The following VASH2 variants were observed in gnomAD, a reference collection of about 807,000 sequenced individuals.
VASH2 encodes the protein tubulinyl-Tyr carboxypeptidase 2.
A neutral mutation model predicts 37.2 loss-of-function variants in VASH2; 28 were observed. The ratio of observed to expected loss-of-function variants is 0.75; its 90% CI spans 0.56 to 1.03. The LOEUF is 1.03. Among genes scored for constraint, VASH2 ranks in the 50% least tolerant of loss-of-function variants. The probability of loss-of-function intolerance (pLI) is 0.00; values close to 1 mark genes in which losing one functional copy is unlikely to be tolerated. For synonymous variants in VASH2, 188 were observed against 174.7 expected (o/e 1.08, Z -0.60); for missense variants, 419 against 459.1 (o/e 0.91, Z 0.80).
At position 212,988,674 on chromosome 1, in the gene VASH2, A is replaced by G. The variant is rs889983641; in HGVS notation, c.*90A>G. ...TCAGGAGGAACTGCAACTATTTATT[A>G]AGAACTTGTGAATTTTATTTTTAAG... On this transcript the variant is annotated 3_prime_UTR_variant, in exon 8 of 8. Coordinates refer to ENST00000517399, the MANE Select transcript of VASH2 (RefSeq NM_001301056.2). 5.3e-6 allele frequency: 7 copies of G among 1,318,166 alleles called. No individual in the cohort carries two copies. The Admixed American group carries it at 1.3e-4, about 24-fold the overall frequency. 81.7% of individuals were successfully genotyped at this position (1,318,166 alleles called of 1,614,324 possible).
In VASH2 at chr1:212,965,709, A is replaced by G; in HGVS notation, c.366-13A>G. On this transcript the variant is annotated splice_polypyrimidine_tract_variant and intron_variant, in intron 3 of 7. Coordinates refer to ENST00000517399, the MANE Select transcript of VASH2 (RefSeq NM_001301056.2). Reference sequence around the variant, plus strand: ...GAGTTTTCTGTCACTTTCCCTTTACATACTTTACACAGATATAATCACACA... The same window carrying G: ...GAGTTTTCTGTCACTTTCCCTTTACGTACTTTACACAGATATAATCACACA... 1 of 1,550,000 alleles carries G rather than the reference A, an allele frequency of 6.5e-7. No homozygotes were observed. Among genetic ancestry groups the G allele is most frequent in the Non-Finnish European group, 8.7e-7 (1 of 1,145,210 alleles).
At chr1:212,952,912 G>C (rs541934132) in intron 2 of VASH2, 1 of 152,352 alleles carries the variant, frequency 6.6e-6, no homozygotes, top group South Asian at 2.1e-4. Flanking sequence ...GCTGCAGTCA[G>C]TTACAGTGTT....
intron 7 of VASH2, among the ~76,000 whole-genome samples, chr1:212,985,169 A>G (rs1160881633): frequency 7.0e-6 from 1 of 142,976 alleles, no homozygotes; most frequent in African/African-American, 2.7e-5. Context: ...CTACAGGCGC[A>G]TGTCACCATG....
intron 7 of VASH2, among the ~76,000 whole-genome samples, chr1:212,986,782 C>A (rs1667490339): frequency 6.6e-6 from 1 of 152,070 alleles, no homozygotes; most frequent in Non-Finnish European, 1.5e-5. Context: ...TACTGGCAGT[C>A]AGCTGTGTTA....
chr1:212,964,572 G>A (rs918784369), intron 3 of VASH2, among the ~76,000 whole-genome samples: 1 of 152,244 alleles, frequency 6.6e-6, no homozygotes, highest in Non-Finnish European at 1.5e-5. Context: ...CTTGGTGCAA[G>A]CTGGTCAGTC....
At chr1:212,973,275 C>T (rs1249936622) in intron 6 of VASH2, 16 of 887,096 alleles carry the variant, frequency 1.8e-5, no homozygotes, top group South Asian at 3.2e-5. Context: ...CCTGGAACTG[C>T]GGGTTTTCCC....
chr1:212,986,879 A>G (rs546319170), intron 7 of VASH2, among the ~76,000 whole-genome samples: 66 of 152,358 alleles, frequency 4.3e-4, no homozygotes, highest in Admixed American at 1.2e-3. Context: ...AGGAGGGCAC[A>G]TGGTCAAGCT....
chr1:212,984,961 C>G (rs1185650309), intron 7 of VASH2, among the ~76,000 whole-genome samples: 1 of 152,144 alleles, frequency 6.6e-6, no homozygotes, highest in Non-Finnish European at 1.5e-5. Context: ...GACTTAGCAC[C>G]CACTGTTAGT....
Position 212,960,637 on chromosome 1 carries a change from G to A in VASH2, c.277-529G>A, listed in dbSNP as rs532788604. On this transcript the variant is annotated intron_variant, in intron 2 of 7. Transcript: ENST00000517399. Reference sequence around the variant, plus strand: ...ACTCCTGGACTCATGTGATCCACACGCCTTGGCCTCCCAAAGTGCTGGGAT... The same window carrying A: ...ACTCCTGGACTCATGTGATCCACACACCTTGGCCTCCCAAAGTGCTGGGAT... 5.9e-5 allele frequency among the ~76,000 whole-genome samples: 9 copies of A among 152,282 alleles called. No individual in the cohort carries two copies. In the South Asian group the frequency reaches 1.9e-3, roughly 32 times the overall value.
chr1:212,966,082 G>T, intron 4 of VASH2, 189 bp from the exon 5 acceptor site: 1 of 615,438 alleles, frequency 1.6e-6, no homozygotes, highest in Non-Finnish European at 2.9e-6. Context: ...GGGTGCTATG[G>T]AGTACTGGCA....
intron 7 of VASH2, among the ~76,000 whole-genome samples, chr1:212,976,911 G>C (rs1325876152): frequency 1.3e-5 from 2 of 152,182 alleles, no homozygotes; most frequent in African/African-American, 2.4e-5. Flanking sequence ...CGCATGTCCC[G>C]GAGTCGACCC....
chr1:212,984,922 A>G (rs1456472413), intron 7 of VASH2, among the ~76,000 whole-genome samples: 1 of 152,226 alleles, frequency 6.6e-6, no homozygotes, highest in African/African-American at 2.4e-5. Flanking sequence ...CATGTTCTCC[A>G]TACTCCACAC....
At chr1:212,964,230 A>G (rs909409571) in intron 3 of VASH2, among the ~76,000 whole-genome samples, 4 of 152,158 alleles carry the variant, frequency 2.6e-5, no homozygotes, top group African/African-American at 9.7e-5. Flanking sequence ...TGAGCTCTTC[A>G]AGGGGTTACG....
intron 5 of VASH2, among the ~76,000 whole-genome samples, chr1:212,969,749 A>T (rs1417213948): frequency 6.6e-6 from 1 of 152,048 alleles, no homozygotes; most frequent in East Asian, 1.9e-4. Context: ...CCACTCGGGG[A>T]TAGTGAAGGA....
intron 7 of VASH2, among the ~76,000 whole-genome samples, chr1:212,987,311 C>T (rs903084197): frequency 3.3e-5 from 5 of 150,360 alleles, no homozygotes; most frequent in Admixed American, 6.6e-5. Context: ...TGCGGTGGCT[C>T]ACACCTGTAA....
chr1:212,954,686 G>A (rs955746131), intron 2 of VASH2, among the ~76,000 whole-genome samples: 12 of 152,106 alleles, frequency 7.9e-5, no homozygotes, highest in African/African-American at 2.9e-4. Context: ...CCAAAGTACC[G>A]GGATTACAAG....
chr1:212,953,562 C>G (rs1031234322), intron 2 of VASH2, among the ~76,000 whole-genome samples: 1 of 152,198 alleles, frequency 6.6e-6, no homozygotes, highest in Non-Finnish European at 1.5e-5. Context: ...AGAGAGTGCT[C>G]TTAGGATGGA....
chr1:212,974,037 GC>G lies in VASH2; in HGVS notation c.968del (p.Pro323ArgfsTer21), dbSNP rs746240443. 8.7e-6 allele frequency: 14 copies of G among 1,613,602 alleles called. No homozygotes were observed. The highest frequency in any genetic ancestry group is 1.2e-5 in the Non-Finnish European group (14 of 1,179,798). On this transcript the variant is annotated frameshift_variant, in exon 7 of 8. Coordinates refer to ENST00000517399, the MANE Select transcript of VASH2 (RefSeq NM_001301056.2). LOFTEE classifies it high-confidence loss of function. ...CTGTCCCCCAGAAGGAGACAGGCAA[GC>G]CCCCCGAGGAGGCTCGGCCGGCGAG... ...KSLSPRRRQA[S>X]PPRRLGRREK... is the part of the protein sequence containing the mutation.
chr1:212,987,137 A>G (rs1165589911), intron 7 of VASH2, among the ~76,000 whole-genome samples: 1 of 152,176 alleles, frequency 6.6e-6, no homozygotes, highest in Non-Finnish European at 1.5e-5. Context: ...GTTGATTTCT[A>G]GTTCTATCAA....
Sources: allele counts gnomAD v4.1 joint callset (sites outside exome capture counted in the v4.1 genomes callset), GRCh38; gene constraint gnomAD v4.1.1; transcripts MANE v1.5; gene names NCBI Gene and HGNC (gene_info 2026-07-23, HGNC 2026-07-21).